RABGAP1: variants seen among roughly 807,000 people sequenced by gnomAD.
RABGAP1 encodes RAB GTPase activating protein 1.
Under a neutral mutation model 137.6 loss-of-function variants are expected in RABGAP1, and 23 were observed. That is an observed-to-expected ratio of 0.17 (90% confidence interval 0.12 to 0.24). RABGAP1 has a LOEUF of 0.24. RABGAP1 is among the 10% of genes least tolerant of loss of function. The pLI, the probability that RABGAP1 is intolerant of heterozygous loss-of-function variation, is 1.00. For missense variants in RABGAP1, 906 were observed against 1,275.8 expected (o/e 0.71, Z 4.42); for synonymous variants, 451 against 450.7 (o/e 1.00, Z -0.01).
chr9:122,943,356 A>C (rs1833729164), intron 1 of RABGAP1, among the ~76,000 whole-genome samples: 1 of 152,138 alleles, frequency 6.6e-6, no homozygotes, highest in Non-Finnish European at 1.5e-5. Flanking sequence ...GGCGTGAGCC[A>C]CTGCGCCCGG....
the RABGAP1 span, among the ~76,000 whole-genome samples, chr9:122,932,692 G>A: frequency 6.6e-6 from 1 of 151,974 alleles, no homozygotes; most frequent in Admixed American, 6.6e-5. Flanking sequence ...ACCACACCGG[G>A]CTAATTTGAT....
At chr9:122,950,793 C>G (rs1834204205) in intron 1 of RABGAP1, among the ~76,000 whole-genome samples, 1 of 152,126 alleles carries the variant, frequency 6.6e-6, no homozygotes, top group African/African-American at 2.4e-5. Context: ...GTGTTATCAG[C>G]ATACAATAGA....
chr9:123,029,267 C>A, intron 13 of RABGAP1: 1 of 502,290 alleles, frequency 2.0e-6, no homozygotes, highest in Non-Finnish European at 3.6e-6. Context: ...TAAATAAACT[C>A]ACATCAGCTG....
chr9:122,957,296 G>T, intron 2 of RABGAP1, 87 bp downstream of exon 2: 1 of 1,059,434 alleles, frequency 9.4e-7, no homozygotes, highest in Non-Finnish European at 1.3e-6. Context: ...GATATGGGAG[G>T]AAAGTGAGAA....
chr9:123,010,135 C>T (rs1215018368), intron 10 of RABGAP1, among the ~76,000 whole-genome samples: 1 of 151,968 alleles, frequency 6.6e-6, no homozygotes. Flanking sequence ...CCCAATTTTC[C>T]TAAGAATTTT....
At chr9:123,052,328 T>G (rs1003289207) in intron 13 of RABGAP1, among the ~76,000 whole-genome samples, 1 of 152,176 alleles carries the variant, frequency 6.6e-6, no homozygotes. Flanking sequence ...CTCAAAAGGT[T>G]GTTAAGATAG....
At chr9:123,019,515 A>G (rs746285419) in intron 12 of RABGAP1, among the ~76,000 whole-genome samples, 22 of 152,092 alleles carry the variant, frequency 1.4e-4, no homozygotes, top group African/African-American at 4.8e-4. Flanking sequence ...GGTTCTTGCT[A>G]TATTACCTAG....
intron 2 of RABGAP1, among the ~76,000 whole-genome samples, chr9:122,961,303 A>T (rs79378787): frequency 1.3e-5 from 2 of 152,206 alleles, no homozygotes; most frequent in African/African-American, 4.8e-5. Flanking sequence ...TTACAAGGGA[A>T]CCTGCCCATA....
the RABGAP1 span, among the ~76,000 whole-genome samples, chr9:122,934,418 C>G: frequency 6.6e-6 from 1 of 152,118 alleles, no homozygotes; most frequent in African/African-American, 2.4e-5. Context: ...CTTTGGATGT[C>G]AAGTGATTCT....
chr9:123,089,760 T>A lies in RABGAP1; in HGVS notation c.2427T>A (p.Ile809=), dbSNP rs763877515. The A allele has an allele frequency of 1.2e-6, 2 of 1,610,062 alleles. No individual in the cohort carries two copies. Among genetic ancestry groups the A allele is most frequent in the Non-Finnish European group, 1.7e-6 (2 of 1,177,164 alleles). The change falls in exon 20 of 26, where the codon ATT becomes ATA. Residue 809 remains isoleucine (I), a splice_region_variant and synonymous_variant. Coordinates refer to ENST00000373647, the MANE Select transcript of RABGAP1 (RefSeq NM_012197.4). The part of the protein sequence containing the change: ...KLMELACNMK[I]SQKKLKKYEK... ...TTACCCTATGATTTATCCTACAGATTAGTCAGAAGAAGTTGAAAAAATACG... is the reference window on the plus strand; with the variant it reads ...TTACCCTATGATTTATCCTACAGATAAGTCAGAAGAAGTTGAAAAAATACG...
rs771054814 is a variant in RABGAP1, at chr9:122,986,385, C to G, written c.556C>G (p.Leu186Val). The change falls in exon 4 of 26, where the codon CTT becomes GTT. Residue 186 changes from leucine (L) to valine (V), a missense_variant. By Grantham distance (32) the Leu-to-Val change is conservative (BLOSUM62 1). This residue lies in a region of RABGAP1 where 331 missense variants were observed against 358.3 expected (regional missense o/e 0.92). Transcript: ENST00000373647. ...SQCQISLDVT[L>V]SVPNVSEGIV... ...GTGTCAGATTTCACTAGATGTTACC[C>G]TTTCAGTGCCGAATGTGTCTGAAGG... The G allele has an allele frequency of 1.9e-6, 3 of 1,614,142 alleles. No individual in the cohort carries two copies. Among genetic ancestry groups the G allele is most frequent in the Non-Finnish European group, 1.7e-6 (2 of 1,180,010 alleles).
intron 3 of RABGAP1, among the ~76,000 whole-genome samples, 165 bp from the exon 4 acceptor site, chr9:122,986,050 G>A (rs1345755250): frequency 6.6e-6 from 1 of 152,182 alleles, no homozygotes; most frequent in African/African-American, 2.4e-5. Flanking sequence ...GAGTTCTAGT[G>A]TGGGATTTCT....
chr9:122,969,736 C>CATTTT (rs3049191), intron 2 of RABGAP1, among the ~76,000 whole-genome samples: 114,953 of 151,304 alleles, frequency 0.76, 45,631 homozygotes, highest in Non-Finnish European at 0.89. Flanking sequence ...GAATTTAAAA[C>CATTTT]ATTTTATTTT....
intron 13 of RABGAP1, among the ~76,000 whole-genome samples, chr9:123,042,659 C>G (rs2033007900): frequency 6.6e-6 from 1 of 151,950 alleles, no homozygotes; most frequent in Non-Finnish European, 1.5e-5. Context: ...GGCAGAGAGA[C>G]AGAAAATAGA....
intron 6 of RABGAP1, among the ~76,000 whole-genome samples, chr9:122,993,926 A>G (rs541868010): frequency 6.6e-6 from 1 of 152,306 alleles, no homozygotes; most frequent in African/African-American, 2.4e-5. Flanking sequence ...GGCCTCCCAT[A>G]GTGCTGGGAT....
intron 13 of RABGAP1, among the ~76,000 whole-genome samples, chr9:123,053,758 A>G (rs2033584980): frequency 6.6e-6 from 1 of 152,212 alleles, no homozygotes; most frequent in Non-Finnish European, 1.5e-5. Flanking sequence ...TTTGGGCAGC[A>G]AGCTACTCTG....
At chr9:123,048,590 A>G (rs1241189669) in intron 13 of RABGAP1, among the ~76,000 whole-genome samples, 5 of 152,244 alleles carry the variant, frequency 3.3e-5, no homozygotes, top group Admixed American at 3.3e-4. Context: ...TATGCAGTTT[A>G]CTTGGTAATA....
chr9:122,975,876 A>G (rs1455697300), intron 2 of RABGAP1, among the ~76,000 whole-genome samples: 1 of 152,252 alleles, frequency 6.6e-6, no homozygotes, highest in Non-Finnish European at 1.5e-5. Flanking sequence ...GGGCTCCCAG[A>G]CATTAATTTG....
intron 10 of RABGAP1, among the ~76,000 whole-genome samples, chr9:123,007,553 ATTTTTTTTTTTT>A (rs34448685): frequency 9.6e-6 from 1 of 104,536 alleles, no homozygotes; most frequent in African/African-American, 3.6e-5. Flanking sequence ...AAGTTTTTGT[ATTTTTTTTTTTT>A]TTTTTTTTTT....
Sources: gnomAD v4.1 joint callset for allele counts (sites outside exome capture counted in the v4.1 genomes callset) on GRCh38, gnomAD v4.1.1 for gene constraint, gnomAD v4.1.1 regional missense constraint, MANE v1.5 for transcripts, NCBI Gene and HGNC (gene_info 2026-07-23, HGNC 2026-07-21) for gene names.